CNTNAP5: variants seen among roughly 807,000 people sequenced by gnomAD.
CNTNAP5 encodes contactin associated protein family member 5, also known as contactin-associated protein-like 5.
Under a neutral mutation model 150.2 loss-of-function variants are expected in CNTNAP5, and 72 were observed. That is an observed-to-expected ratio of 0.48 (90% CI 0.40 to 0.58). The LOEUF (loss-of-function observed/expected upper bound fraction) is 0.58, where lower values mean the gene tolerates loss of function less well. Among genes scored for constraint, CNTNAP5 ranks in the 20% least tolerant of loss-of-function variants. CNTNAP5 has a pLI of 0.00. For missense variants in CNTNAP5, 1,636 were observed against 1,626.2 expected (o/e 1.01, Z -0.10); for synonymous variants, 672 against 619.8 (o/e 1.08, Z -1.25).
At chr2:124,899,263 G>A (rs1678368351) in intron 21 of CNTNAP5, among the ~76,000 whole-genome samples, 1 of 151,456 alleles carries the variant, frequency 6.6e-6, no homozygotes, top group Middle Eastern at 3.4e-3. Context: ...CATGTGGTAG[G>A]TACTATTATC....
intron 3 of CNTNAP5, among the ~76,000 whole-genome samples, chr2:124,374,868 G>T (rs575064395): frequency 3.9e-5 from 6 of 152,020 alleles, no homozygotes; most frequent in Non-Finnish European, 8.8e-5. Context: ...CTGAAGAAAG[G>T]TTGAAGGCCT....
chr2:124,601,459 C>G (rs893494990), intron 11 of CNTNAP5, among the ~76,000 whole-genome samples: 1 of 152,122 alleles, frequency 6.6e-6, no homozygotes, highest in African/African-American at 2.4e-5. Context: ...CTATCAAATA[C>G]GAGAGAACAT....
intron 13 of CNTNAP5, among the ~76,000 whole-genome samples, chr2:124,697,539 C>T (rs1427989147): frequency 6.7e-6 from 1 of 149,968 alleles, no homozygotes; most frequent in African/African-American, 2.5e-5. Context: ...TCAACAAGGC[C>T]TTATCTTACC....
intron 7 of CNTNAP5, among the ~76,000 whole-genome samples, chr2:124,494,215 C>T (rs1328984223): frequency 6.6e-6 from 1 of 151,858 alleles, no homozygotes; most frequent in Non-Finnish European, 1.5e-5. Context: ...GTGACTAACT[C>T]CAAGTTTGAA....
chr2:124,870,851 GC>G (rs1677732731), intron 21 of CNTNAP5, among the ~76,000 whole-genome samples: 1 of 152,038 alleles, frequency 6.6e-6, no homozygotes, highest in South Asian at 2.1e-4. Context: ...ACGGGCCCCT[GC>G]TTTTGCTTGC....
At chr2:124,552,335 A>G (rs1341894358) in intron 10 of CNTNAP5, among the ~76,000 whole-genome samples, 2 of 152,188 alleles carry the variant, frequency 1.3e-5, no homozygotes, top group African/African-American at 4.8e-5. Context: ...CCTCGTGAGT[A>G]CTATGACAGC....
intron 2 of CNTNAP5, among the ~76,000 whole-genome samples, chr2:124,228,592 T>C (rs1464739315): frequency 6.6e-6 from 1 of 152,192 alleles, no homozygotes; most frequent in African/African-American, 2.4e-5. Flanking sequence ...AAATGACATG[T>C]GCATTTTTCT....
At chr2:124,257,016 A>G (rs576345115) in intron 3 of CNTNAP5, among the ~76,000 whole-genome samples, 1 of 152,298 alleles carries the variant, frequency 6.6e-6, no homozygotes, top group East Asian at 1.9e-4. Context: ...CATTTAAAGA[A>G]AAAGGCAGAT....
chr2:124,825,324 A>G (rs1331388833), intron 19 of CNTNAP5, among the ~76,000 whole-genome samples: 4 of 148,550 alleles, frequency 2.7e-5, no homozygotes, highest in East Asian at 1.9e-4. Context: ...ATCATCTCCA[A>G]TGAATACTTG....
chr2:124,202,462 G>T (rs1259960189), intron 1 of CNTNAP5, among the ~76,000 whole-genome samples: 2 of 147,302 alleles, frequency 1.4e-5, no homozygotes, highest in Non-Finnish European at 3.1e-5. Context: ...CATCCTGCAG[G>T]TTTGTGAGTG....
chr2:124,232,612 T>A (rs1028128948), intron 2 of CNTNAP5, among the ~76,000 whole-genome samples: 1 of 152,178 alleles, frequency 6.6e-6, no homozygotes, highest in African/African-American at 2.4e-5. Flanking sequence ...GGTGACCCCC[T>A]CCTCATTTCT....
At chr2:124,846,743 A>T (rs192003409) in intron 19 of CNTNAP5, among the ~76,000 whole-genome samples, 1 of 152,196 alleles carries the variant, frequency 6.6e-6, no homozygotes, top group Non-Finnish European at 1.5e-5. Context: ...TAGTGTTAAG[A>T]TTTTTTCATT....
Position 124,619,908 on chromosome 2 carries a change from C to CATATATATATATAT in CNTNAP5, c.1876+10003_1876+10016dup, listed in dbSNP as rs10540154. On this transcript the variant is annotated intron_variant, in intron 12 of 23. Transcript: ENST00000682447. ...ATACTCCTTCTCTCACTGTCTCATTCATATATATATATATATATATATATA... is the reference window on the plus strand; with the variant it reads ...ATACTCCTTCTCTCACTGTCTCATTCATATATATATATATATATATATATATATATATATATATA... Among the ~76,000 whole-genome samples, 29 of 115,524 alleles carry CATATATATATATAT rather than the reference C, an allele frequency of 2.5e-4. 1 individual carries two copies. The highest frequency in any genetic ancestry group is 1.3e-3 in the African/African-American group (29 of 21,902). The allele number at this position is 115,524 out of a possible 152,430, so 75.8% of individuals were successfully genotyped here.
At chr2:124,788,764 C>T (rs2104630965) in intron 17 of CNTNAP5, among the ~76,000 whole-genome samples, 1 of 152,088 alleles carries the variant, frequency 6.6e-6, no homozygotes, top group South Asian at 2.1e-4. Context: ...TCCCGAGTAG[C>T]TGGAATTATA....
chr2:124,555,405 G>A (rs975294857), intron 10 of CNTNAP5, among the ~76,000 whole-genome samples: 4 of 152,138 alleles, frequency 2.6e-5, no homozygotes, highest in Admixed American at 6.5e-5. Flanking sequence ...GCTCAGACAA[G>A]GTCTCCATAA....
At chr2:124,563,496 G>C (rs1002662939) in intron 11 of CNTNAP5, among the ~76,000 whole-genome samples, 173 bp downstream of exon 11, 1 of 152,204 alleles carries the variant, frequency 6.6e-6, no homozygotes, top group Non-Finnish European at 1.5e-5. Context: ...AGGATGCATG[G>C]ATACAAGCCA....
At chr2:124,389,933 T>G (rs1691067223) in intron 3 of CNTNAP5, among the ~76,000 whole-genome samples, 1 of 152,050 alleles carries the variant, frequency 6.6e-6, no homozygotes, top group South Asian at 2.1e-4. Context: ...ACCTCTGCAA[T>G]CCAGCCTGGG....
chr2:124,726,994 T>G (rs892732747), intron 13 of CNTNAP5, among the ~76,000 whole-genome samples: 1 of 152,096 alleles, frequency 6.6e-6, no homozygotes, highest in Non-Finnish European at 1.5e-5. Flanking sequence ...TTTTAATCAA[T>G]TTTTAGTTGA....
chr2:124,621,435 T>C (rs1677612336), intron 12 of CNTNAP5, among the ~76,000 whole-genome samples: 1 of 152,168 alleles, frequency 6.6e-6, no homozygotes, highest in Non-Finnish European at 1.5e-5. Context: ...CTTACAAGTC[T>C]CCATATCTTG....
Sources: allele counts gnomAD v4.1 joint callset (sites outside exome capture counted in the v4.1 genomes callset), GRCh38; gene constraint gnomAD v4.1.1; transcripts MANE v1.5; gene names NCBI Gene and HGNC (gene_info 2026-07-23, HGNC 2026-07-21).